Variants in TEX15 observed in about 807,000 individuals in gnomAD.
TEX15 encodes testis-expressed protein 15.
Under a neutral mutation model 237.3 loss-of-function variants are expected in TEX15, and 171 were observed. The ratio of observed to expected loss-of-function variants is 0.72; its 90% confidence interval spans 0.64 to 0.82. The LOEUF (loss-of-function observed/expected upper bound fraction) is 0.82. TEX15 is among the 40% of genes least tolerant of loss of function. The pLI is 0.00. For synonymous variants in TEX15, 1,338 were observed against 1,269.8 expected (o/e 1.05, Z -1.14); for missense variants, 3,750 against 3,646.5 (o/e 1.03, Z -0.73).
At chr8:30,857,580 A>G (rs1432907501) in intron 7 of TEX15, among the ~76,000 whole-genome samples, 1 of 152,226 alleles carries the variant, frequency 6.6e-6, no homozygotes, top group Non-Finnish European at 1.5e-5. Flanking sequence ...AATAAAAATT[A>G]GCTCAATTAG....
chr8:30,854,259 CAAAAA>C (rs1159366706), intron 7 of TEX15, among the ~76,000 whole-genome samples: 8 of 64,968 alleles, frequency 1.2e-4, no homozygotes, highest in African/African-American at 3.5e-4. Context: ...CCTGACTGAC[CAAAAA>C]AAAAAAAAAA....
At position 30,846,456 on chromosome 8, in the gene TEX15, G is replaced by C. The variant is rs912951602; in HGVS notation, c.3711C>G (p.Ile1237Met). ...QESGPVSNSEISLSFDLSRNT... is the reference protein window; with the variant it reads ...QESGPVSNSEMSLSFDLSRNT... Reference sequence around the variant, plus strand: ...TACGACTCAAGTCAAAAGAAAGGGAGATTTCAGAGTTACTCACTGGCCCTG... The same window carrying C: ...TACGACTCAAGTCAAAAGAAAGGGACATTTCAGAGTTACTCACTGGCCCTG... The change falls in exon 8 of 11, where the codon ATC becomes ATG. Residue 1237 changes from isoleucine to methionine, a missense_variant. Ile to Met is a conservative substitution (Grantham distance 10). Coordinates refer to ENST00000643185, the MANE Select transcript of TEX15 (RefSeq NM_001350162.2). 4 of 1,613,066 alleles carry C rather than the reference G, an allele frequency of 2.5e-6. No homozygotes were observed. In the African/African-American group the frequency reaches 5.3e-5, roughly 22 times the overall value.
intron 8 of TEX15, 34 bp downstream of exon 8, chr8:30,841,970 T>C (rs780001684): frequency 7.0e-6 from 10 of 1,424,062 alleles, no homozygotes; most frequent in Non-Finnish European, 9.4e-6. Context: ...TCAAAAAGAA[T>C]ACTTATAAAA....
chr8:30,902,809 T>C (rs996959464), intron 1 of TEX15, among the ~76,000 whole-genome samples: 3 of 152,134 alleles, frequency 2.0e-5, no homozygotes, highest in African/African-American at 4.8e-5. Flanking sequence ...CCAGGTGACA[T>C]TGATAGTGAA....
At chr8:30,852,265 C>T (rs1309299652) in intron 7 of TEX15, among the ~76,000 whole-genome samples, 2 of 151,838 alleles carry the variant, frequency 1.3e-5, no homozygotes, top group Non-Finnish European at 2.9e-5. Context: ...GCCACCACGC[C>T]TGGCTAATTT....
intron 1 of TEX15, among the ~76,000 whole-genome samples, chr8:30,909,271 A>G (rs1184127288): frequency 6.6e-6 from 1 of 152,178 alleles, no homozygotes; most frequent in Non-Finnish European, 1.5e-5. Context: ...TCTAATAGGC[A>G]CGAACAGAGC....
chr8:30,862,217 G>C (rs1808066026), intron 5 of TEX15, among the ~76,000 whole-genome samples: 1 of 152,026 alleles, frequency 6.6e-6, no homozygotes, highest in South Asian at 2.1e-4. Context: ...TACCTAAAAG[G>C]ATAATCTACA....
Position 30,845,081 on chromosome 8 carries a change from T to C in TEX15, c.5086A>G (p.Ile1696Val). Residue 1696 changes from isoleucine to valine, a missense_variant, in exon 8 of 11, where the codon ATT becomes GTT. Ile to Val is a conservative substitution (Grantham distance 29). Transcript: ENST00000643185. ...GGGCCCATAAGGAAGTTTCCTGTAATAATGTTTTGTTTGGGTCTCTCAATA... is the reference window on the plus strand; with the variant it reads ...GGGCCCATAAGGAAGTTTCCTGTAACAATGTTTTGTTTGGGTCTCTCAATA... ...DPIERPKQNI[I>V]TGNFLMGPLN... is the part of the protein sequence containing the mutation. The C allele has an allele frequency of 6.2e-7, 1 of 1,613,610 alleles. No homozygotes were observed. Among genetic ancestry groups the C allele is most frequent in the Non-Finnish European group, 8.5e-7 (1 of 1,179,534 alleles).
chr8:30,880,489 T>C (rs1158657940), intron 3 of TEX15, among the ~76,000 whole-genome samples: 1 of 152,228 alleles, frequency 6.6e-6, no homozygotes, highest in Non-Finnish European at 1.5e-5. Context: ...TAAGACTGCA[T>C]GACCAACCCC....
At chr8:30,883,481 T>C (rs1808579804) in intron 3 of TEX15, among the ~76,000 whole-genome samples, 1 of 152,112 alleles carries the variant, frequency 6.6e-6, no homozygotes, top group South Asian at 2.1e-4. Context: ...CCTATTGACC[T>C]ATGTCATCTA....
intron 3 of TEX15, among the ~76,000 whole-genome samples, chr8:30,885,033 CA>C (rs1265990814): frequency 6.6e-5 from 10 of 152,124 alleles, no homozygotes; most frequent in African/African-American, 2.4e-4. Flanking sequence ...TCATTTAGTT[CA>C]AGGTATTTTA....
At chr8:30,875,155 T>G in intron 3 of TEX15, 53 bp from the exon 4 acceptor site, 4 of 1,115,864 alleles carry the variant, frequency 3.6e-6, no homozygotes, top group Non-Finnish European at 3.4e-6. Flanking sequence ...TTATTGGACA[T>G]CTGTACAATG....
chr8:30,898,594 A>G (rs1808950869), intron 2 of TEX15, 148 bp downstream of exon 2: 1 of 152,246 alleles, frequency 6.6e-6, no homozygotes, highest in African/African-American at 2.4e-5. Flanking sequence ...ATATTTACAT[A>G]CTTTAAAGTA....
intron 3 of TEX15, among the ~76,000 whole-genome samples, chr8:30,881,707 C>T (rs1472214639): frequency 2.0e-5 from 3 of 150,598 alleles, no homozygotes; most frequent in Non-Finnish European, 4.4e-5. Context: ...CTGCAACCTC[C>T]ACCTCCTGGG....
intron 3 of TEX15, among the ~76,000 whole-genome samples, chr8:30,882,431 C>T (rs916635900): frequency 7.2e-5 from 11 of 152,130 alleles, no homozygotes; most frequent in South Asian, 2.1e-4. Flanking sequence ...GGACTACAGG[C>T]GGCCGCCACC....
intron 3 of TEX15, among the ~76,000 whole-genome samples, chr8:30,877,026 C>T (rs567490300): frequency 2.0e-5 from 3 of 152,234 alleles, no homozygotes; most frequent in African/African-American, 7.2e-5. Flanking sequence ...TTGTAAGTTT[C>T]CTAAGGCCTC....
Position 30,847,234 on chromosome 8 carries a change from C to T in TEX15, c.2933G>A (p.Cys978Tyr), listed in dbSNP as rs200271641. ...TFPKTASSSV[C>Y]VASNAAIQIA... Reference sequence around the variant, plus strand: ...CTGTATTGCAGCATTTGAGGCTACACACACTGAAGAACTTGCAGTTTTGGG... The same window carrying T: ...CTGTATTGCAGCATTTGAGGCTACATACACTGAAGAACTTGCAGTTTTGGG... The change falls in exon 8 of 11, where the codon TGT becomes TAT. Residue 978 changes from cysteine to tyrosine, a missense_variant. Transcript: ENST00000643185. 19 of 1,613,838 alleles carry T rather than the reference C, an allele frequency of 1.2e-5. No homozygotes were observed. Among genetic ancestry groups the T allele is most frequent in the African/African-American group, 1.3e-5 (1 of 74,936 alleles).
chr8:30,893,161 T>C (rs1446805776), intron 2 of TEX15, among the ~76,000 whole-genome samples: 2 of 151,866 alleles, frequency 1.3e-5, no homozygotes. Flanking sequence ...CTTCACAACA[T>C]CCCTATGAGA....
In TEX15 at chr8:30,847,322, C is replaced by G. The variant is rs779864872; in HGVS notation, c.2845G>C (p.Val949Leu). The G allele has an allele frequency of 1.9e-6, 3 of 1,613,844 alleles. No individual in the cohort carries two copies. The highest frequency in any genetic ancestry group is 3.3e-5 in the Admixed American group (2 of 60,008). Reference sequence around the variant, plus strand: ...GTATTTTCAGTATCTTTTTGTTTCACGGCACTAATGGTATCTTCTTCACTC... The same window carrying G: ...GTATTTTCAGTATCTTTTTGTTTCAGGGCACTAATGGTATCTTCTTCACTC... ...LESEEDTISA[V>L]KQKDTENTGR... The change falls in exon 8 of 11, where the codon GTG becomes CTG. Residue 949 changes from valine (V) to leucine (L), a missense_variant. Coordinates refer to ENST00000643185, the MANE Select transcript of TEX15 (RefSeq NM_001350162.2).
Sources: allele counts gnomAD v4.1 joint callset (sites outside exome capture counted in the v4.1 genomes callset), GRCh38; gene constraint gnomAD v4.1.1; transcripts MANE v1.5; gene names NCBI Gene and HGNC (gene_info 2026-07-23, HGNC 2026-07-21).